The following PLOD2 variants were observed in gnomAD, a reference collection of about 807,000 sequenced individuals.
PLOD2 encodes lysine hydroxylase 2.
Under a neutral mutation model 101.0 loss-of-function variants are expected in PLOD2, and 65 were observed. The observed-to-expected ratio is 0.64, with a 90% CI of 0.53 to 0.79. The LOEUF is 0.79. Ranked by LOEUF, PLOD2 falls within the 30% of genes least tolerant of loss-of-function variation. The probability of loss-of-function intolerance (pLI) is 0.00; values close to 1 mark genes in which losing one functional copy is unlikely to be tolerated. For synonymous variants in PLOD2, 314 were observed against 302.9 expected (o/e 1.04, Z -0.38); for missense variants, 909 against 914.6 (o/e 0.99, Z 0.08).
chr3:146,127,165 T>A (rs2108103264), intron 1 of PLOD2, among the ~76,000 whole-genome samples: 1 of 152,304 alleles, frequency 6.6e-6, no homozygotes, highest in Non-Finnish European at 1.5e-5. Flanking sequence ...ATAGTTCTTT[T>A]TATTATTTAT....
In PLOD2 at chr3:146,088,674, T is replaced by C. The variant is rs747777596; in HGVS notation, c.917A>G (p.Gln306Arg). 17 of 1,608,452 alleles carry C rather than the reference T, an allele frequency of 1.1e-5. No individual in the cohort carries two copies. In the South Asian group the frequency reaches 1.8e-4, roughly 17 times the overall value. ...PNVSIGVFIE[Q>R]PTPFLPRFLD... is the part of the protein sequence containing the mutation. ...AAACCGAGGTAGAAAAGGGGTTGGT[T>C]GCTCAATAAAAACACCTATTGATAC... is the stretch of plus-strand genomic sequence containing the variant. Residue 306 changes from glutamine to arginine, a missense_variant, in exon 9 of 20, where the codon CAA (glutamine) becomes CGA (arginine). Coordinates refer to ENST00000282903, the MANE Select transcript of PLOD2 (RefSeq NM_182943.3).
intron 7 of PLOD2, among the ~76,000 whole-genome samples, chr3:146,094,993 A>G (rs185885988): frequency 6.6e-6 from 1 of 152,256 alleles, no homozygotes; most frequent in African/African-American, 2.4e-5. Flanking sequence ...TTTAATATGT[A>G]GTGCTGGGAA....
At position 146,149,487 on chromosome 3, in the gene PLOD2, A is replaced by T. The variant is rs1431064114; in HGVS notation, c.109+11394T>A. ...TTATCCACTCTGCCATAACCCATGGAGCTGACAGTACTGGTGTAACACAGC... is the reference window on the plus strand; with the variant it reads ...TTATCCACTCTGCCATAACCCATGGTGCTGACAGTACTGGTGTAACACAGC... On this transcript the variant is annotated intron_variant, in intron 1 of 19. Coordinates refer to ENST00000282903, the MANE Select transcript of PLOD2 (RefSeq NM_182943.3). 3.9e-5 allele frequency among the ~76,000 whole-genome samples: 6 copies of T among 152,298 alleles called. No individual in the cohort carries two copies. In the South Asian group the frequency reaches 1.0e-3, roughly 26 times the overall value.
intron 17 of PLOD2, among the ~76,000 whole-genome samples, chr3:146,071,878 T>C (rs1327221074): frequency 6.6e-6 from 1 of 151,718 alleles, no homozygotes; most frequent in Non-Finnish European, 1.5e-5. Flanking sequence ...CAAAAGTTTT[T>C]GAATGATTGC....
At position 146,069,719 on chromosome 3, in the gene PLOD2, C is replaced by T. The variant is rs1286083518; in HGVS notation, c.*998G>A. ...CCAGGAAGATAAAAAAGCAAATAAC[C>T]CTCCCCCCAAAAAAAGAATAAGGAG... On this transcript the variant is annotated 3_prime_UTR_variant, in exon 20 of 20. Transcript: ENST00000282903. The T allele has an allele frequency of 6.6e-6, 1 of 151,472 alleles. No individual in the cohort carries two copies. The highest frequency in any genetic ancestry group is 1.9e-4 in the East Asian group (1 of 5,134). The allele number at this position is 151,472 out of a possible 1,614,324, so 9.4% of individuals were successfully genotyped here.
At chr3:146,085,918 C>T (rs954141038) in intron 10 of PLOD2, 2 of 152,242 alleles carry the variant, frequency 1.3e-5, no homozygotes, top group Non-Finnish European at 2.9e-5. Flanking sequence ...TGTCTCCACA[C>T]CATATTTGTT....
intron 1 of PLOD2, 40 bp downstream of exon 1, chr3:146,160,841 C>G (rs777955187): frequency 7.5e-7 from 1 of 1,331,034 alleles, no homozygotes; most frequent in Non-Finnish European, 1.1e-6. Context: ...CCCCCGCCGG[C>G]CGAGCCTCGC....
chr3:146,151,188 TTC>T (rs2032038382), intron 1 of PLOD2, among the ~76,000 whole-genome samples: 1 of 152,206 alleles, frequency 6.6e-6, no homozygotes, highest in East Asian at 1.9e-4. Context: ...TCTACCACCA[TTC>T]TGACACTTAA....
intron 1 of PLOD2, among the ~76,000 whole-genome samples, chr3:146,152,767 G>A (rs2032119755): frequency 6.6e-6 from 1 of 152,114 alleles, no homozygotes; most frequent in Non-Finnish European, 1.5e-5. Flanking sequence ...TATTTTCCCT[G>A]CAAGAATCTT....
chr3:146,153,949 GT>G (rs373339432), intron 1 of PLOD2, among the ~76,000 whole-genome samples: 150 of 152,038 alleles, frequency 9.9e-4, no homozygotes, highest in African/African-American at 3.5e-3. Flanking sequence ...AAATGAGAAA[GT>G]TCTTTGTAAA....
At chr3:146,078,928 A>G (rs1936432517) in intron 13 of PLOD2, among the ~76,000 whole-genome samples, 188 bp downstream of exon 13, 1 of 151,960 alleles carries the variant, frequency 6.6e-6, no homozygotes, top group African/African-American at 2.4e-5. Flanking sequence ...CATTTTTCAT[A>G]CCATTTCTAT....
At chr3:146,115,365 A>G (rs1237124363) in intron 3 of PLOD2, among the ~76,000 whole-genome samples, 1 of 152,166 alleles carries the variant, frequency 6.6e-6, no homozygotes, top group East Asian at 1.9e-4. Context: ...CAGACATGTC[A>G]GTGTTCTATC....
intron 1 of PLOD2, among the ~76,000 whole-genome samples, chr3:146,143,305 A>T (rs1002922344): frequency 5.7e-4 from 29 of 50,510 alleles, no homozygotes; most frequent in African/African-American, 1.6e-3. Context: ...GTGAGAATAT[A>T]AAAAAAAAGC....
chr3:146,160,904 TC>T lies in PLOD2; in HGVS notation c.85del (p.Glu29ArgfsTer12), dbSNP rs1433546893. 17 of 1,590,110 alleles carry T rather than the reference TC, an allele frequency of 1.1e-5. No individual in the cohort carries two copies. The highest frequency in any genetic ancestry group is 1.4e-5 in the Non-Finnish European group (16 of 1,168,128). ...PWNPCLGADS[E>X]KPSSIPTDKL... is the part of the protein sequence containing the mutation. ...ACCTGTGGGGATGCTCGAGGGCTTC[TC>T]CGAGTCCGCACCCAGACAGGGATTC... On this transcript the variant is annotated frameshift_variant, in exon 1 of 20. Transcript: ENST00000282903. LOFTEE classifies it high-confidence loss of function.
At chr3:146,090,718 C>A (rs1936944097) in intron 8 of PLOD2, among the ~76,000 whole-genome samples, 1 of 151,730 alleles carries the variant, frequency 6.6e-6, no homozygotes, top group South Asian at 2.1e-4. Flanking sequence ...TCTTTATACT[C>A]CTTTCAGACA....
At chr3:146,102,210 A>G (rs1236553886) in intron 7 of PLOD2, among the ~76,000 whole-genome samples, 3 of 152,226 alleles carry the variant, frequency 2.0e-5, no homozygotes, top group African/African-American at 7.2e-5. Flanking sequence ...CAAACTTTTC[A>G]TCTATAAATT....
chr3:146,074,008 T>A (rs1354447622), intron 15 of PLOD2, among the ~76,000 whole-genome samples: 5 of 151,524 alleles, frequency 3.3e-5, no homozygotes, highest in Non-Finnish European at 4.4e-5. Flanking sequence ...CACTTGCACT[T>A]CTTTCAGTTA....
chr3:146,071,009 T>G (rs1368947485), intron 19 of PLOD2, 33 bp downstream of exon 19: 2 of 1,582,512 alleles, frequency 1.3e-6, no homozygotes, highest in African/African-American at 1.3e-5. Context: ...ATATTTCTTT[T>G]GAAAAATCTA....
chr3:146,106,978 CTG>C (rs1937545871), intron 4 of PLOD2, among the ~76,000 whole-genome samples: 1 of 152,214 alleles, frequency 6.6e-6, no homozygotes, highest in African/African-American at 2.4e-5. Context: ...AAAGAATAGA[CTG>C]AGACAAGAAT....
Sources: allele counts gnomAD v4.1 joint callset (sites outside exome capture counted in the v4.1 genomes callset), GRCh38; gene constraint gnomAD v4.1.1; transcripts MANE v1.5; gene names NCBI Gene and HGNC (gene_info 2026-07-23, HGNC 2026-07-21).